Variants in SCPEP1 observed in about 807,000 individuals in gnomAD.
The protein encoded by SCPEP1 is retinoid-inducible serine carboxypeptidase.
A neutral mutation model predicts 63.8 loss-of-function variants in SCPEP1; 51 were observed. The observed-to-expected ratio is 0.80, with a 90% CI of 0.64 to 1.01. The LOEUF is 1.01. Ranked by LOEUF, SCPEP1 falls within the 50% of genes least tolerant of loss-of-function variation. The pLI is 0.00. For synonymous variants in SCPEP1, 204 were observed against 207.8 expected (o/e 0.98, Z 0.16); for missense variants, 499 against 554.9 (o/e 0.90, Z 1.01).
intron 12 of SCPEP1, 127 bp downstream of exon 12, chr17:57,002,308 A>G: frequency 2.3e-6 from 2 of 860,118 alleles, no homozygotes; most frequent in Non-Finnish European, 1.8e-6. Context: ...GGCCAGGTAC[A>G]GTGGCTCATG....
intron 3 of SCPEP1, among the ~76,000 whole-genome samples, chr17:56,985,894 A>C (rs1597915311): frequency 2.7e-5 from 4 of 147,664 alleles, no homozygotes; most frequent in African/African-American, 7.5e-5. Flanking sequence ...CCCTTCTCAC[A>C]CCTCCCCCTC....
rs780080906 is a variant in SCPEP1 at position 57,002,108 on chromosome 17, C to T, written c.1223C>T (p.Ser408Phe). Reference protein sequence around the residue: ...KWKALYSDPKSLETSAFVKSY... With the variant: ...KWKALYSDPKFLETSAFVKSY... ...AAGGCCCTGTACAGTGACCCTAAAT[C>T]TTTGGAAACATCTGCTTTTGTCAAG... is the stretch of plus-strand genomic sequence containing the variant. The change falls in exon 12 of 13, where the codon TCT becomes TTT. Residue 408 changes from serine to phenylalanine, a missense_variant. By Grantham distance (155) the Ser-to-Phe change is radical. Transcript: ENST00000262288. The T allele has an allele frequency of 2.8e-5, 45 of 1,614,106 alleles. No individual in the cohort carries two copies. The highest frequency in any genetic ancestry group is 3.6e-5 in the Non-Finnish European group (42 of 1,180,042).
intron 10 of SCPEP1, among the ~76,000 whole-genome samples, chr17:56,999,642 A>G (rs1911679349): frequency 6.6e-6 from 1 of 152,060 alleles, no homozygotes; most frequent in African/African-American, 2.4e-5. Flanking sequence ...ATTACTCCTG[A>G]GTGCTGGGAG....
At position 57,002,145 on chromosome 17, in the gene SCPEP1, C is replaced by T. The variant is rs374406951; in HGVS notation, c.1260C>T (p.Asn420=). 5.8e-5 allele frequency: 93 copies of T among 1,614,002 alleles called. No homozygotes were observed. The highest frequency in any genetic ancestry group is 7.1e-5 in the Non-Finnish European group (84 of 1,180,020). The change falls in exon 12 of 13, where the codon AAC becomes AAT. Residue 420 remains asparagine, a synonymous_variant. Coordinates refer to ENST00000262288, the MANE Select transcript of SCPEP1 (RefSeq NM_021626.3). ...ETSAFVKSYK[N]LAFYWILKAG... ...CTGCTTTTGTCAAGTCCTACAAGAA[C>T]CTTGCTTTCTACTGGATTCTGAAAG... is the stretch of plus-strand genomic sequence containing the variant.
intron 1 of SCPEP1, 144 bp downstream of exon 1, chr17:56,978,379 T>G: frequency 2.2e-6 from 2 of 902,084 alleles, no homozygotes; most frequent in Non-Finnish European, 1.5e-6. Flanking sequence ...TGAATCTCAC[T>G]CTTTTTTTTT....
chr17:56,992,637 G>A (rs1911434308), intron 6 of SCPEP1, among the ~76,000 whole-genome samples: 1 of 152,142 alleles, frequency 6.6e-6, no homozygotes, highest in African/African-American at 2.4e-5. Context: ...CTTTACATGT[G>A]CTAACTTCAT....
rs1911284671 is a variant in SCPEP1 at position 56,988,271 on chromosome 17, T to C, written c.527T>C (p.Ile176Thr). The change falls in exon 5 of 13, where the codon ATT (isoleucine) becomes ACT (threonine). Residue 176 changes from isoleucine to threonine, a missense_variant. Coordinates refer to ENST00000262288, the MANE Select transcript of SCPEP1 (RefSeq NM_021626.3). ...ESYGGKMAAG[I>T]GLELYKAIQR... ...TATGGAGGAAAAATGGCAGCTGGCA[T>C]TGGTCTAGAGCTTTATAAGGTAATG... The C allele has an allele frequency of 1.9e-6, 3 of 1,612,584 alleles. No individual in the cohort carries two copies. The highest frequency in any genetic ancestry group is 2.2e-5 in the East Asian group (1 of 44,836).
At chr17:56,996,475 G>A (rs918630098) in intron 8 of SCPEP1, among the ~76,000 whole-genome samples, 2 of 151,942 alleles carry the variant, frequency 1.3e-5, no homozygotes, top group Non-Finnish European at 2.9e-5. Context: ...AAAGTGCTGG[G>A]ATTATAGGCG....
rs376074034 is a variant in SCPEP1 at position 56,989,105 on chromosome 17, G to A, written c.546+815G>A. On this transcript the variant is annotated intron_variant, in intron 5 of 12. Transcript: ENST00000262288. ...CCTGGGAGGATGAGGTGGGAGGATC[G>A]CTTGAGCTCAAGGAGTTGAAGCTGC... Among the ~76,000 whole-genome samples, 10 of 152,216 alleles carry A rather than the reference G, an allele frequency of 6.6e-5. 1 individual carries two copies. The highest frequency in any genetic ancestry group is 1.9e-4 in the East Asian group (1 of 5,182).
chr17:56,988,167 CAAAA>C (rs778275151), intron 4 of SCPEP1, 45 bp from the exon 5 acceptor site: 2 of 1,394,698 alleles, frequency 1.4e-6, no homozygotes, highest in East Asian at 2.3e-5. Context: ...TTGTGTGACT[CAAAA>C]AGCAATCAAG....
In SCPEP1 at chr17:56,978,215, T is replaced by C; in HGVS notation, c.56T>C (p.Leu19Pro). Residue 19 changes from leucine (L) to proline (P), a missense_variant, in exon 1 of 13, where the codon CTG becomes CCG. Leu to Pro is a moderately conservative substitution (Grantham distance 98). Coordinates refer to ENST00000262288, the MANE Select transcript of SCPEP1 (RefSeq NM_021626.3). ...PVPRWLLLLP[L>P]LLGLNAGAVI... ...CCGCGGTGGTTGCTGCTGCTGCCGC[T>C]GCTGCTGGGCCTGAACGCAGGTAGG... 5 of 1,558,234 alleles carry C rather than the reference T, an allele frequency of 3.2e-6. No individual in the cohort carries two copies. The highest frequency in any genetic ancestry group is 4.3e-6 in the Non-Finnish European group (5 of 1,157,630).
chr17:56,986,024 C>T (rs539319271), intron 3 of SCPEP1, among the ~76,000 whole-genome samples: 2 of 152,178 alleles, frequency 1.3e-5, no homozygotes, highest in South Asian at 4.1e-4. Flanking sequence ...TTAGCCCTTA[C>T]GCCCAGGCTG....
chr17:56,983,065 G>A (rs1005246722), intron 2 of SCPEP1: 2 of 152,092 alleles, frequency 1.3e-5, no homozygotes, highest in Non-Finnish European at 2.9e-5. Context: ...TCTTCGAAGC[G>A]TTTCACTTGG....
chr17:56,996,045 G>A (rs1911547986), intron 8 of SCPEP1, among the ~76,000 whole-genome samples: 1 of 152,050 alleles, frequency 6.6e-6, no homozygotes, highest in Non-Finnish European at 1.5e-5. Flanking sequence ...TGTTCTCCCT[G>A]TAAATTAACA....
intron 1 of SCPEP1, 56 bp downstream of exon 1, chr17:56,978,291 A>G: frequency 6.7e-7 from 1 of 1,487,300 alleles, no homozygotes; most frequent in Non-Finnish European, 9.0e-7. Context: ...TCCAGGCGTG[A>G]GAGTTTGTTA....
At chr17:57,000,696 C>T (rs139737084) in intron 10 of SCPEP1, among the ~76,000 whole-genome samples, 159 bp from the exon 11 acceptor site, 27 of 152,288 alleles carry the variant, frequency 1.8e-4, no homozygotes, top group East Asian at 5.8e-4. Flanking sequence ...TACACCTGAC[C>T]AGTCGGCACA....
At position 57,000,977 on chromosome 17, in the gene SCPEP1, A is replaced by T. The variant is rs144727443; in HGVS notation, c.1117A>T (p.Ile373Phe). The stretch of plus-strand genomic sequence containing the variant: ...GGTGTATAATGGACAGCTGGATCTC[A>T]TCGTAGATACCATGGGTAGGAATTG... ...VTVYNGQLDL[I>F]VDTMGQEAWV... Residue 373 changes from isoleucine (I) to phenylalanine (F), a missense_variant, in exon 11 of 13, where the codon ATC (isoleucine) becomes TTC (phenylalanine). Coordinates refer to ENST00000262288, the MANE Select transcript of SCPEP1 (RefSeq NM_021626.3). The T allele has an allele frequency of 1.1e-5, 18 of 1,613,862 alleles. No homozygotes were observed. The Admixed American group carries it at 1.2e-4, about 10-fold the overall frequency.
chr17:56,978,991 G>A lies in SCPEP1; in HGVS notation c.76+756G>A, dbSNP rs578223752. ...AGAAGTGCCTGGGGTTAGGTCAAAA[G>A]GTACCTGCGCCTTATCTGTCATTCT... On this transcript the variant is annotated intron_variant, in intron 1 of 12. Transcript: ENST00000262288. Among the ~76,000 whole-genome samples the A allele has an allele frequency of 9.8e-5, 15 of 152,300 alleles. No homozygotes were observed. The South Asian group carries it at 2.9e-3, about 29-fold the overall frequency.
intron 12 of SCPEP1, among the ~76,000 whole-genome samples, chr17:57,003,317 G>A (rs549907202): frequency 6.6e-6 from 1 of 152,206 alleles, no homozygotes; most frequent in Middle Eastern, 3.4e-3. Flanking sequence ...GCAAAGGAGT[G>A]AAATTAACAG....
Sources: allele counts gnomAD v4.1 joint callset (sites outside exome capture counted in the v4.1 genomes callset), GRCh38; gene constraint gnomAD v4.1.1; transcripts MANE v1.5; gene names NCBI Gene and HGNC (gene_info 2026-07-23, HGNC 2026-07-21).